Variants in DCC observed in about 807,000 individuals in gnomAD.
DCC encodes the protein netrin receptor DCC.
Under a neutral mutation model 172.5 loss-of-function variants are expected in DCC, and 58 were observed. That is an observed-to-expected ratio of 0.34 (90% CI 0.27 to 0.42). The LOEUF is 0.42. Among genes scored for constraint, DCC ranks in the 10% least tolerant of loss-of-function variants. The pLI is 1.00. For missense variants in DCC, 1,740 were observed against 1,791.0 expected, an observed-to-expected ratio of 0.97 and a Z score of 0.51; for synonymous variants, 709 against 644.5, an observed-to-expected ratio of 1.10 and a Z score of -1.52.
chr18:52,539,294 T>G (rs2032374262), intron 1 of DCC, among the ~76,000 whole-genome samples: 1 of 152,014 alleles, frequency 6.6e-6, no homozygotes, highest in African/African-American at 2.4e-5. Flanking sequence ...AAGAGGGAGT[T>G]CAAGGTAAAT....
chr18:52,571,431 C>T (rs1194110385), intron 1 of DCC, among the ~76,000 whole-genome samples: 1 of 149,538 alleles, frequency 6.7e-6, no homozygotes, highest in African/African-American at 2.4e-5. Flanking sequence ...CCCAGTTGTC[C>T]CTCTTATTTC....
At chr18:52,874,937 GCTAGGTATAATTTTGGTGGA>G (rs1440293577) in intron 2 of DCC, among the ~76,000 whole-genome samples, 1 of 152,058 alleles carries the variant, frequency 6.6e-6, no homozygotes, top group African/African-American at 2.4e-5. Context: ...TGTAGAATTG[GCTAGGTATAATTTTGGTGGA>G]CTTTGGGCTG....
At chr18:52,408,082 G>A (rs1986714835) in intron 1 of DCC, among the ~76,000 whole-genome samples, 1 of 152,014 alleles carries the variant, frequency 6.6e-6, no homozygotes, top group African/African-American at 2.4e-5. Context: ...TAAGTCTTCT[G>A]TCTTACAGAA....
intron 18 of DCC, among the ~76,000 whole-genome samples, chr18:53,399,453 C>T (rs117429918): frequency 6.6e-6 from 1 of 152,180 alleles, no homozygotes; most frequent in East Asian, 1.9e-4. Flanking sequence ...AAAACAAGTC[C>T]TCCTTTAAAA....
chr18:52,906,108 C>T lies in DCC; in HGVS notation c.477C>T (p.Leu159=), dbSNP rs1229476543. 18 of 1,613,090 alleles carry T rather than the reference C, an allele frequency of 1.1e-5. No individual in the cohort carries two copies. Among genetic ancestry groups the T allele is most frequent in the Non-Finnish European group, 1.4e-5 (17 of 1,179,056 alleles). Residue 159 remains leucine (L), a synonymous_variant, in exon 3 of 29, where the codon CTC becomes CTT. Coordinates refer to ENST00000442544, the MANE Select transcript of DCC (RefSeq NM_005215.4). ...CCTTCATGGGAGACACAGTGCTACT[C>T]AAGTGTGAAGTCATTGGGGAGCCCA... The part of the protein sequence containing the change: ...VTAFMGDTVL[L]KCEVIGEPMP...
chr18:53,138,076 C>G (rs8098423), intron 7 of DCC, among the ~76,000 whole-genome samples: 1 of 151,954 alleles, frequency 6.6e-6, no homozygotes, highest in Non-Finnish European at 1.5e-5. Flanking sequence ...GATCAGTCCA[C>G]CTCAGCCTCC....
Position 53,486,841 on chromosome 18 carries a change from T to G in DCC, c.3781T>G (p.Tyr1261Asp). The change falls in exon 26 of 29, where the codon TAC becomes GAC. Residue 1261 changes from tyrosine (Y) to aspartate (D), a missense_variant. Physicochemically the swap from Tyr to Asp is radical, Grantham distance 160 (BLOSUM62 -3). Around this residue, in one of 2 missense-constraint regions of DCC, gnomAD observed 1,732 missense variants for 1,767.4 expected, o/e 0.98. Coordinates refer to ENST00000442544, the MANE Select transcript of DCC (RefSeq NM_005215.4). ...IPVPTLESAQ[Y>D]PGILPSPTCG... is the part of the protein sequence containing the mutation. Reference sequence around the variant, plus strand: ...GGTGCCAACGCTAGAAAGTGCCCAGTACCCAGGAATCCTCCCGTCTCCCAC... The same window carrying G: ...GGTGCCAACGCTAGAAAGTGCCCAGGACCCAGGAATCCTCCCGTCTCCCAC... 1 of 1,614,166 alleles carries G rather than the reference T, an allele frequency of 6.2e-7. No homozygotes were observed.
intron 5 of DCC, among the ~76,000 whole-genome samples, chr18:52,956,894 A>G (rs1255992611): frequency 1.3e-5 from 2 of 152,176 alleles, no homozygotes; most frequent in African/African-American, 4.8e-5. Context: ...GTTAGAATGG[A>G]CTTCAATGAA....
chr18:53,185,606 A>T (rs977938751), intron 9 of DCC, among the ~76,000 whole-genome samples: 6 of 152,208 alleles, frequency 3.9e-5, no homozygotes, highest in Admixed American at 3.9e-4. Flanking sequence ...ACGAATTCAT[A>T]TATGATTACT....
chr18:52,949,623 A>G (rs1262451672), intron 5 of DCC, among the ~76,000 whole-genome samples: 3 of 152,172 alleles, frequency 2.0e-5, no homozygotes, highest in Non-Finnish European at 4.4e-5. Context: ...AGTTCTGATG[A>G]CCCAAGTATG....
intron 2 of DCC, among the ~76,000 whole-genome samples, chr18:52,826,432 A>G (rs1417556570): frequency 6.6e-6 from 1 of 151,888 alleles, no homozygotes; most frequent in Non-Finnish European, 1.5e-5. Flanking sequence ...AACATTTTGG[A>G]GTCTTGTTTT....
intron 12 of DCC, among the ~76,000 whole-genome samples, chr18:53,261,045 G>T (rs185624031): frequency 6.6e-6 from 1 of 152,128 alleles, no homozygotes; most frequent in South Asian, 2.1e-4. Flanking sequence ...TGCTAAGACC[G>T]TTGGAAAAGT....
chr18:52,462,297 C>G (rs1420050670), intron 1 of DCC, among the ~76,000 whole-genome samples: 2 of 152,152 alleles, frequency 1.3e-5, no homozygotes, highest in Non-Finnish European at 2.9e-5. Flanking sequence ...TTTCCTCATT[C>G]AGAACCCTCC....
At chr18:52,859,610 T>G (rs1472250703) in intron 2 of DCC, among the ~76,000 whole-genome samples, 1 of 152,146 alleles carries the variant, frequency 6.6e-6, no homozygotes. Flanking sequence ...TTAAGACCTT[T>G]AAAGGTATCA....
chr18:52,979,375 G>A (rs1436067858), intron 5 of DCC, among the ~76,000 whole-genome samples: 1 of 152,148 alleles, frequency 6.6e-6, no homozygotes, highest in Non-Finnish European at 1.5e-5. Flanking sequence ...ATTTACCCAA[G>A]ACCACTTTCA....
intron 1 of DCC, among the ~76,000 whole-genome samples, chr18:52,483,787 T>C (rs2030075178): frequency 6.6e-6 from 1 of 152,102 alleles, no homozygotes; most frequent in Non-Finnish European, 1.5e-5. Context: ...TTTCAATTTA[T>C]TGATGATTTT....
intron 2 of DCC, among the ~76,000 whole-genome samples, chr18:52,899,488 G>C (rs906834629): frequency 1.3e-5 from 2 of 151,284 alleles, no homozygotes; most frequent in African/African-American, 4.9e-5. Context: ...CAAGTAGCTG[G>C]GGTTACAGAC....
At chr18:53,484,767 C>T (rs1192071853) in intron 25 of DCC, among the ~76,000 whole-genome samples, 1 of 151,856 alleles carries the variant, frequency 6.6e-6, no homozygotes, top group Non-Finnish European at 1.5e-5. Flanking sequence ...TTTGGTTATT[C>T]AATATTTGTT....
chr18:52,744,607 G>A (rs2036878981), intron 1 of DCC, among the ~76,000 whole-genome samples: 1 of 152,158 alleles, frequency 6.6e-6, no homozygotes, highest in Non-Finnish European at 1.5e-5. Flanking sequence ...TTATCAAAGT[G>A]AATAAAATGG....
Sources: allele counts gnomAD v4.1 joint callset (sites outside exome capture counted in the v4.1 genomes callset), GRCh38; gene constraint gnomAD v4.1.1; regional missense constraint gnomAD v4.1.1; transcripts MANE v1.5; gene names NCBI Gene and HGNC (gene_info 2026-07-23, HGNC 2026-07-21).